Variants in MLIP observed in about 807,000 individuals in gnomAD.
The protein encoded by MLIP is muscular LMNA-interacting protein.
A neutral mutation model predicts 84.8 loss-of-function variants in MLIP; 79 were observed. The observed-to-expected ratio is 0.93, with a 90% CI of 0.78 to 1.12. MLIP has a LOEUF of 1.12. MLIP is among the 50% of genes most tolerant of loss of function. MLIP has a pLI of 0.00. For missense variants in MLIP, 1,257 were observed against 1,160.6 expected (o/e 1.08, Z -1.21); for synonymous variants, 504 against 463.0 (o/e 1.09, Z -1.14).
chr6:54,096,860 G>A (rs748882840), intron 1 of MLIP, among the ~76,000 whole-genome samples: 3 of 152,186 alleles, frequency 2.0e-5, no homozygotes, highest in Non-Finnish European at 4.4e-5. Context: ...CTGTGGCACA[G>A]AATGTAAGTG....
intron 1 of MLIP, among the ~76,000 whole-genome samples, chr6:54,020,235 A>G (rs1763420411): frequency 1.3e-5 from 2 of 152,220 alleles, no homozygotes; most frequent in Non-Finnish European, 2.9e-5. Context: ...AAGATAGGGA[A>G]CAGTAATAAC....
chr6:54,210,151 C>CGCACA (rs67613092), intron 11 of MLIP, among the ~76,000 whole-genome samples: 1 of 150,688 alleles, frequency 6.6e-6, no homozygotes, highest in Admixed American at 6.6e-5. Context: ...CGCACCGCAC[C>CGCACA]GCACCGCACC....
intron 1 of MLIP, among the ~76,000 whole-genome samples, chr6:54,048,594 A>C (rs1179050442): frequency 6.6e-6 from 1 of 152,158 alleles, no homozygotes; most frequent in Non-Finnish European, 1.5e-5. Context: ...CATTGAGGGA[A>C]GGGGCAGCCA....
At chr6:54,113,010 G>A (rs1331330443) in intron 1 of MLIP, among the ~76,000 whole-genome samples, 1 of 152,094 alleles carries the variant, frequency 6.6e-6, no homozygotes, top group African/African-American at 2.4e-5. Flanking sequence ...AATTGTGCAA[G>A]GTGTTTGAAG....
intron 1 of MLIP, among the ~76,000 whole-genome samples, chr6:54,101,960 A>G (rs1455046982): frequency 6.6e-6 from 1 of 152,122 alleles, no homozygotes; most frequent in Admixed American, 6.6e-5. Context: ...TATTCCTCCG[A>G]GTGTAGTTCT....
chr6:54,026,603 C>T (rs951602907), intron 1 of MLIP, among the ~76,000 whole-genome samples: 1 of 152,028 alleles, frequency 6.6e-6, no homozygotes, highest in African/African-American at 2.4e-5. Flanking sequence ...AATTAAAGTC[C>T]TAATGTGCAT....
intron 9 of MLIP, among the ~76,000 whole-genome samples, chr6:54,177,845 C>T (rs921422998): frequency 2.6e-5 from 4 of 152,072 alleles, no homozygotes; most frequent in Non-Finnish European, 5.9e-5. Context: ...ACATATACAC[C>T]ATGGAATACT....
At chr6:54,138,478 G>A (rs1772020729) in intron 4 of MLIP, among the ~76,000 whole-genome samples, 192 bp downstream of exon 4, 1 of 152,096 alleles carries the variant, frequency 6.6e-6, no homozygotes, top group Non-Finnish European at 1.5e-5. Context: ...AGAATTATGT[G>A]TTTCAGTCAA....
chr6:54,047,951 C>G (rs1041152035), intron 1 of MLIP, among the ~76,000 whole-genome samples: 2 of 152,176 alleles, frequency 1.3e-5, no homozygotes, highest in Non-Finnish European at 2.9e-5. Context: ...CTTAACTTCT[C>G]TGCTGGTTTA....
chr6:54,125,419 G>T (rs1466511119), intron 3 of MLIP, among the ~76,000 whole-genome samples: 1 of 152,170 alleles, frequency 6.6e-6, no homozygotes, highest in Non-Finnish European at 1.5e-5. Context: ...GGCTGGGGTT[G>T]ACCTCAGTGA....
chr6:54,124,658 C>T lies in MLIP; in HGVS notation c.438C>T (p.Ser146=), dbSNP rs141073519. Residue 146 remains serine (S), a synonymous_variant, in exon 3 of 14, where the codon TCC becomes TCT. Coordinates refer to ENST00000502396, the MANE Select transcript of MLIP (RefSeq NM_001281747.2). Reference sequence around the variant, plus strand: ...CTGAATATGTCCTTATTGTGGACTCCGAAGGGGAAGATGAGGCTGCAAGCA... The same window carrying T: ...CTGAATATGTCCTTATTGTGGACTCTGAAGGGGAAGATGAGGCTGCAAGCA... ...FKAEYVLIVD[S]EGEDEAASRK... 1.4e-4 allele frequency: 229 copies of T among 1,614,124 alleles called. 1 individual carries two copies. The African/African-American group carries it at 2.1e-3, about 15-fold the overall frequency.
At chr6:54,253,199 G>C (rs1204588688) in intron 12 of MLIP, among the ~76,000 whole-genome samples, 4 of 152,080 alleles carry the variant, frequency 2.6e-5, no homozygotes, top group Non-Finnish European at 5.9e-5. Context: ...TATTTGATGT[G>C]GGTATTGCTG....
At chr6:54,210,230 T>C (rs1183155697) in intron 11 of MLIP, among the ~76,000 whole-genome samples, 5 of 152,254 alleles carry the variant, frequency 3.3e-5, no homozygotes, top group Non-Finnish European at 7.3e-5. Context: ...AGTTCTTTCA[T>C]GGTAAGCTCA....
intron 3 of MLIP, among the ~76,000 whole-genome samples, chr6:54,129,688 G>A (rs1771221562): frequency 6.6e-6 from 1 of 152,126 alleles, no homozygotes; most frequent in African/African-American, 2.4e-5. Flanking sequence ...ACTGCTGGAG[G>A]ACTAGCTTGG....
upstream of MLIP, chr6:54,111,328 G>C: frequency 7.6e-7 from 1 of 1,312,606 alleles, no homozygotes; most frequent in African/African-American, 1.5e-5. Context: ...TCTACTCTTC[G>C]GAGCTGACAC....
At chr6:54,211,594 C>T (rs11755131) in intron 11 of MLIP, among the ~76,000 whole-genome samples, 35,095 of 152,172 alleles carry the variant, frequency 0.23, 4,916 homozygotes, top group South Asian at 0.36. Context: ...CACCTCTACT[C>T]TGTGCATTTG....
intron 11 of MLIP, among the ~76,000 whole-genome samples, chr6:54,205,134 A>G (rs1778948954): frequency 6.6e-6 from 1 of 152,228 alleles, no homozygotes; most frequent in African/African-American, 2.4e-5. Context: ...AGAATCTACA[A>G]TGGAGAGATA....
At chr6:54,144,291 C>T (rs1772588901) in intron 4 of MLIP, among the ~76,000 whole-genome samples, 1 of 152,184 alleles carries the variant, frequency 6.6e-6, no homozygotes, top group East Asian at 1.9e-4. Context: ...ATGCTCTCAT[C>T]TCTGCCCAGG....
At chr6:54,156,768 T>G (rs1011523707) in intron 5 of MLIP, among the ~76,000 whole-genome samples, 3 of 152,116 alleles carry the variant, frequency 2.0e-5, no homozygotes, top group Admixed American at 1.3e-4. Flanking sequence ...ACTAAGCACC[T>G]ATCATATTCT....
Sources: gnomAD v4.1 joint callset for allele counts (sites outside exome capture counted in the v4.1 genomes callset) on GRCh38, gnomAD v4.1.1 for gene constraint, MANE v1.5 for transcripts, NCBI Gene and HGNC (gene_info 2026-07-23, HGNC 2026-07-21) for gene names.